Variants in PXT1 observed in about 807,000 individuals in gnomAD.
PXT1 encodes the protein peroxisomal testis-specific protein 1.
Under a neutral mutation model 11.0 loss-of-function variants are expected in PXT1, and 11 were observed. The ratio of observed to expected loss-of-function variants is 1.00; its 90% CI spans 0.63 to 1.66. The LOEUF (loss-of-function observed/expected upper bound fraction) is 1.66. PXT1 is among the 40% of genes most tolerant of loss of function. PXT1 has a pLI of 0.00. For synonymous variants in PXT1, 43 were observed against 51.4 expected, an observed-to-expected ratio of 0.84 and a Z score of 0.70; for missense variants, 141 against 155.5, an observed-to-expected ratio of 0.91 and a Z score of 0.49.
At chr6:36,436,714 G>GA (rs527384410) in intron 2 of PXT1, among the ~76,000 whole-genome samples, 105 of 152,322 alleles carry the variant, frequency 6.9e-4, no homozygotes, top group African/African-American at 2.2e-3. Context: ...GCTCAGAAGA[G>GA]AGGTCAGGAC....
chr6:36,440,234 A>T (rs1029617636), intron 1 of PXT1, among the ~76,000 whole-genome samples: 5 of 152,258 alleles, frequency 3.3e-5, no homozygotes, highest in Non-Finnish European at 7.3e-5. Context: ...TTTTTGTATG[A>T]CAATTTACAA....
At chr6:36,418,057 G>A (rs1003639588) in intron 3 of PXT1, among the ~76,000 whole-genome samples, 1 of 152,070 alleles carries the variant, frequency 6.6e-6, no homozygotes, top group African/African-American at 2.4e-5. Context: ...TTAGCCGGGC[G>A]TGGTGGCGGG....
intron 2 of PXT1, among the ~76,000 whole-genome samples, chr6:36,436,113 C>CAAAAAAAA (rs11294829): frequency 1.0e-4 from 6 of 60,090 alleles, no homozygotes; most frequent in Non-Finnish European, 1.3e-4. Flanking sequence ...AAAAGTAAGC[C>CAAAAAAAA]AAAAAAAAAA....
intron 3 of PXT1, among the ~76,000 whole-genome samples, chr6:36,417,085 C>G (rs374661456): frequency 1.3e-5 from 2 of 152,198 alleles, no homozygotes; most frequent in African/African-American, 4.8e-5. Context: ...GTGGCTCACG[C>G]CTGTAATCCC....
intron 4 of PXT1, among the ~76,000 whole-genome samples, chr6:36,393,725 CAAA>C (rs33980831): frequency 7.0e-6 from 1 of 142,524 alleles, no homozygotes; most frequent in Non-Finnish European, 1.5e-5. Flanking sequence ...GACTATGCCT[CAAA>C]AAAAAAAAAA....
chr6:36,399,337 G>A (rs1774184293), intron 4 of PXT1, among the ~76,000 whole-genome samples: 1 of 152,102 alleles, frequency 6.6e-6, no homozygotes, highest in African/African-American at 2.4e-5. Flanking sequence ...AGTAGAGACG[G>A]GGTTTCACCA....
At chr6:36,439,439 C>G (rs1021834989) in intron 1 of PXT1, among the ~76,000 whole-genome samples, 14 of 151,068 alleles carry the variant, frequency 9.3e-5, no homozygotes, top group African/African-American at 3.2e-4. Context: ...TGGTGAAACC[C>G]CATCTCTACT....
At chr6:36,413,621 G>A (rs1774407099) in intron 3 of PXT1, among the ~76,000 whole-genome samples, 1 of 152,170 alleles carries the variant, frequency 6.6e-6, no homozygotes, top group Non-Finnish European at 1.5e-5. Flanking sequence ...TATAGTGGGA[G>A]AAATTTTTTA....
intron 3 of PXT1, among the ~76,000 whole-genome samples, chr6:36,418,005 G>C (rs1408148951): frequency 2.0e-5 from 3 of 151,442 alleles, no homozygotes; most frequent in Non-Finnish European, 4.4e-5. Context: ...GACCATCCTG[G>C]CTAACATGGT....
chr6:36,411,809 C>T (rs760405347), intron 3 of PXT1, among the ~76,000 whole-genome samples: 17 of 152,052 alleles, frequency 1.1e-4, no homozygotes, highest in South Asian at 4.2e-4. Context: ...ATTAGCCAGG[C>T]GTGGTGATGT....
intron 2 of PXT1, among the ~76,000 whole-genome samples, chr6:36,428,670 C>A (rs1212133242): frequency 6.6e-6 from 1 of 152,112 alleles, no homozygotes; most frequent in South Asian, 2.1e-4. Context: ...ATTATAATTT[C>A]CCCCAAACAA....
At chr6:36,395,763 G>A (rs1010898977) in intron 4 of PXT1, among the ~76,000 whole-genome samples, 1 of 152,106 alleles carries the variant, frequency 6.6e-6, no homozygotes, top group African/African-American at 2.4e-5. Flanking sequence ...ACTTTGGGAG[G>A]CCGAGGCAGG....
chr6:36,414,324 T>C (rs1224027460), intron 3 of PXT1, among the ~76,000 whole-genome samples: 1 of 152,124 alleles, frequency 6.6e-6, no homozygotes, highest in Non-Finnish European at 1.5e-5. Context: ...GAAGTGATTG[T>C]ATGGTTTAGA....
intron 3 of PXT1, among the ~76,000 whole-genome samples, chr6:36,408,582 G>GA (rs957388993): frequency 8.2e-5 from 11 of 134,116 alleles, no homozygotes; most frequent in Admixed American, 7.8e-5. Context: ...TCTCAAAAAA[G>GA]AAAAAAAAAT....
chr6:36,409,355 A>G lies in PXT1; in HGVS notation c.170-8771T>C, dbSNP rs1774334130. On this transcript the variant is annotated intron_variant, in intron 3 of 4. Coordinates refer to ENST00000454782, the MANE Select transcript of PXT1 (RefSeq NM_152990.4). The stretch of plus-strand genomic sequence containing the variant: ...AAATAAACAAACCAGGACAGAAAGC[A>G]CAGAGAACCCACCACAGGGGCTCCT... 1.3e-5 allele frequency among the ~76,000 whole-genome samples: 2 copies of G among 152,208 alleles called. 1 individual carries two copies. Among genetic ancestry groups the G allele is most frequent in the South Asian group, 4.1e-4 (2 of 4,836 alleles).
At chr6:36,403,342 G>A (rs1184422221) in intron 3 of PXT1, among the ~76,000 whole-genome samples, 1 of 152,222 alleles carries the variant, frequency 6.6e-6, no homozygotes. Flanking sequence ...CTGAACTAAA[G>A]CAGTACTAAT....
chr6:36,412,585 G>T (rs1774390141), intron 3 of PXT1, among the ~76,000 whole-genome samples: 1 of 151,692 alleles, frequency 6.6e-6, no homozygotes, highest in South Asian at 2.1e-4. Context: ...ACTTGAACCT[G>T]GAAGGCGGAG....
At chr6:36,440,024 G>A (rs1479402310) in intron 1 of PXT1, among the ~76,000 whole-genome samples, 4 of 152,184 alleles carry the variant, frequency 2.6e-5, no homozygotes, top group Non-Finnish European at 5.9e-5. Context: ...CTTGAGCCCA[G>A]GAGGTTGAGG....
chr6:36,437,842 T>TTA (rs1179710709), intron 2 of PXT1, among the ~76,000 whole-genome samples: 1 of 105,316 alleles, frequency 9.5e-6, no homozygotes, highest in African/African-American at 3.9e-5. Context: ...TTTTTTTTTT[T>TTA]AGAGTCTTGC....
Sources: gnomAD v4.1 joint callset for allele counts (sites outside exome capture counted in the v4.1 genomes callset) on GRCh38, gnomAD v4.1.1 for gene constraint, MANE v1.5 for transcripts, NCBI Gene and HGNC (gene_info 2026-07-23, HGNC 2026-07-21) for gene names.